Variants in PLCB1 observed in about 807,000 individuals in gnomAD.
PLCB1 encodes the protein 1-phosphatidylinositol 4,5-bisphosphate phosphodiesterase beta-1.
In PLCB1, 46 loss-of-function variants were observed where a neutral mutation model predicts 161.8. That is an observed-to-expected ratio of 0.28 (90% confidence interval 0.22 to 0.36). PLCB1 has a LOEUF of 0.36. Among genes scored for constraint, PLCB1 ranks in the 10% least tolerant of loss-of-function variants. The pLI is 1.00. For synonymous variants in PLCB1, 517 were observed against 503.7 expected (o/e 1.03, Z -0.35); for missense variants, 1,016 against 1,472.5 (o/e 0.69, Z 5.07).
intron 9 of PLCB1, among the ~76,000 whole-genome samples, chr20:8,684,106 G>T (rs554768898): frequency 1.3e-5 from 2 of 151,894 alleles, no homozygotes; most frequent in Non-Finnish European, 2.9e-5. Flanking sequence ...GGATGGTCTC[G>T]ATCTCCTGAC....
At chr20:8,342,583 A>G (rs1985846955) in intron 2 of PLCB1, among the ~76,000 whole-genome samples, 1 of 152,162 alleles carries the variant, frequency 6.6e-6, no homozygotes, top group African/African-American at 2.4e-5. Context: ...ATACTCTCCC[A>G]ACTTGGTAGT....
chr20:8,567,314 G>T (rs1986367445), intron 3 of PLCB1, among the ~76,000 whole-genome samples: 1 of 152,030 alleles, frequency 6.6e-6, no homozygotes, highest in Non-Finnish European at 1.5e-5. Flanking sequence ...TCTGATACAG[G>T]TCTGTGGCAA....
intron 2 of PLCB1, among the ~76,000 whole-genome samples, chr20:8,307,815 G>A (rs867791215): frequency 1.6e-4 from 23 of 146,524 alleles, no homozygotes; most frequent in Middle Eastern, 3.2e-3. Flanking sequence ...CCAGCTACTC[G>A]GGAGGCTGAA....
At chr20:8,643,258 T>G (rs1016145292) in intron 4 of PLCB1, among the ~76,000 whole-genome samples, 1 of 152,230 alleles carries the variant, frequency 6.6e-6, no homozygotes, top group Non-Finnish European at 1.5e-5. Context: ...CTGTCTGATA[T>G]GCAGCCTAGC....
rs76407552 is a variant in PLCB1 at position 8,166,930 on chromosome 20, T to G, written c.177+16559T>G. On this transcript the variant is annotated intron_variant, in intron 2 of 31. Coordinates refer to ENST00000338037, the MANE Select transcript of PLCB1 (RefSeq NM_015192.4). ...CACTTCTCACAGTTGTAATCAAATG[T>G]TTTTTACATAGTTATGTAATATCTA... Among the ~76,000 whole-genome samples the G allele has an allele frequency of 1.8e-3, 277 of 152,300 alleles. 3 individuals are homozygous for G. Among genetic ancestry groups the G allele is most frequent in the East Asian group, 4.4e-3 (23 of 5,190 alleles).
chr20:8,812,619 A>G (rs975380078), intron 31 of PLCB1, among the ~76,000 whole-genome samples: 2 of 152,144 alleles, frequency 1.3e-5, no homozygotes, highest in Non-Finnish European at 2.9e-5. Context: ...CACAGCACAG[A>G]CCTATGAGGA....
chr20:8,704,356 A>G (rs997827439), intron 11 of PLCB1, among the ~76,000 whole-genome samples: 6 of 151,758 alleles, frequency 4.0e-5, no homozygotes, highest in Admixed American at 1.3e-4. Context: ...TTCGTTTCAA[A>G]AAAAAAAAAA....
intron 2 of PLCB1, among the ~76,000 whole-genome samples, chr20:8,166,042 G>A (rs1364089141): frequency 6.6e-6 from 1 of 151,824 alleles, no homozygotes; most frequent in East Asian, 1.9e-4. Context: ...TATTTCCCCT[G>A]TAACCAGATC....
chr20:8,348,800 G>T (rs1986081769), intron 2 of PLCB1, among the ~76,000 whole-genome samples: 1 of 152,122 alleles, frequency 6.6e-6, no homozygotes, highest in South Asian at 2.1e-4. Flanking sequence ...CTCATATTTA[G>T]CAGTTGGTTT....
chr20:8,469,506 A>C (rs745734752), intron 3 of PLCB1, among the ~76,000 whole-genome samples: 1 of 152,150 alleles, frequency 6.6e-6, no homozygotes, highest in African/African-American at 2.4e-5. Context: ...TGTGAAAATT[A>C]GTCTCAGTGC....
At chr20:8,543,071 C>T (rs1046445544) in intron 3 of PLCB1, among the ~76,000 whole-genome samples, 14 of 152,190 alleles carry the variant, frequency 9.2e-5, no homozygotes, top group South Asian at 2.1e-4. Context: ...AAAATACCTC[C>T]GTATTAGCAG....
intron 2 of PLCB1, among the ~76,000 whole-genome samples, chr20:8,346,200 C>T (rs560121772): frequency 6.6e-6 from 1 of 152,142 alleles, no homozygotes; most frequent in Non-Finnish European, 1.5e-5. Flanking sequence ...TAATTTCAAC[C>T]TTTTCCTGCT....
At chr20:8,300,031 AC>A (rs1568622955) in intron 2 of PLCB1, among the ~76,000 whole-genome samples, 1 of 152,154 alleles carries the variant, frequency 6.6e-6, no homozygotes, top group Non-Finnish European at 1.5e-5. Context: ...GGTGGGGTTC[AC>A]CTTGATGACT....
Position 8,429,988 on chromosome 20 carries a change from A to C in PLCB1, c.246+58538A>C, listed in dbSNP as rs540051446. 5.9e-5 allele frequency among the ~76,000 whole-genome samples: 9 copies of C among 152,112 alleles called. No homozygotes were observed. The South Asian group carries it at 6.2e-4, about 11-fold the overall frequency. On this transcript the variant is annotated intron_variant, in intron 3 of 31. Coordinates refer to ENST00000338037, the MANE Select transcript of PLCB1 (RefSeq NM_015192.4). The stretch of plus-strand genomic sequence containing the variant: ...GCAGTAAGCACCTGTGTTAGTCAGA[A>C]TTCAGTGTGGGTAACAGAAGGGCAG...
intron 4 of PLCB1, among the ~76,000 whole-genome samples, chr20:8,644,814 C>G (rs574306152): frequency 2.6e-5 from 4 of 152,258 alleles, no homozygotes; most frequent in Admixed American, 2.0e-4. Flanking sequence ...GCCACCACCC[C>G]GTCTGGGAGG....
chr20:8,555,448 C>T (rs1404356577), intron 3 of PLCB1, among the ~76,000 whole-genome samples: 1 of 152,056 alleles, frequency 6.6e-6, no homozygotes, highest in African/African-American at 2.4e-5. Context: ...TGAGGCCATC[C>T]ACCACTACCT....
At chr20:8,791,129 A>T (rs986917386) in intron 31 of PLCB1, among the ~76,000 whole-genome samples, 1 of 152,028 alleles carries the variant, frequency 6.6e-6, no homozygotes, top group Non-Finnish European at 1.5e-5. Context: ...ATATATTTTC[A>T]TGGTTCTTTG....
At chr20:8,347,073 A>G (rs1986022490) in intron 2 of PLCB1, among the ~76,000 whole-genome samples, 1 of 152,228 alleles carries the variant, frequency 6.6e-6, no homozygotes, top group African/African-American at 2.4e-5. Flanking sequence ...CCATATTCCC[A>G]GGATAGCCTT....
chr20:8,591,887 A>G (rs1987160783), intron 3 of PLCB1, among the ~76,000 whole-genome samples: 1 of 152,194 alleles, frequency 6.6e-6, no homozygotes, highest in Non-Finnish European at 1.5e-5. Flanking sequence ...CAGCTTGGGT[A>G]TCCCATATCT....
Sources: allele counts gnomAD v4.1 joint callset (sites outside exome capture counted in the v4.1 genomes callset), GRCh38; gene constraint gnomAD v4.1.1; transcripts MANE v1.5; gene names NCBI Gene and HGNC (gene_info 2026-07-23, HGNC 2026-07-21).